The following CNGB1 variants were observed in gnomAD, a reference collection of about 807,000 sequenced individuals.
The protein encoded by CNGB1 is cyclic nucleotide-gated channel beta-1.
CNGB1 carries 126 observed loss-of-function variants against 151.7 expected under a neutral mutation model. That is an observed-to-expected ratio of 0.83 (90% CI 0.72 to 0.96). CNGB1 has a LOEUF of 0.96. Among genes scored for constraint, CNGB1 ranks in the 40% least tolerant of loss-of-function variants. CNGB1 has a pLI of 0.00. For missense variants in CNGB1, 1,698 were observed against 1,627.0 expected, an observed-to-expected ratio of 1.04 and a Z score of -0.75; for synonymous variants, 623 against 635.1, an observed-to-expected ratio of 0.98 and a Z score of 0.29.
At chr16:57,921,105 G>T (rs913702318) in intron 18 of CNGB1, among the ~76,000 whole-genome samples, 2 of 150,848 alleles carry the variant, frequency 1.3e-5, no homozygotes, top group African/African-American at 4.9e-5. Flanking sequence ...TCATCTTGCT[G>T]AGCTGAATAT....
intron 17 of CNGB1, 94 bp from the exon 18 acceptor site, chr16:57,923,474 C>T: frequency 9.9e-7 from 1 of 1,014,098 alleles, no homozygotes; most frequent in Non-Finnish European, 1.5e-6. Flanking sequence ...CATCTAGAGC[C>T]AATTCCTAGA....
At position 57,920,482 on chromosome 16, in the gene CNGB1, T is replaced by C. The variant is rs767806839; in HGVS notation, c.1706A>G (p.Gln569Arg). Residue 569 changes from glutamine to arginine, a missense_variant, in exon 19 of 33, where the codon CAG (glutamine) becomes CGG (arginine). Coordinates refer to ENST00000251102, the MANE Select transcript of CNGB1 (RefSeq NM_001297.5). Reference sequence around the variant, plus strand: ...CTCCTTGAAGAGCTTCACCAGCTCCTGGAGCCGGTCGTTGATGATGGCGCT... The same window carrying C: ...CTCCTTGAAGAGCTTCACCAGCTCCCGGAGCCGGTCGTTGATGATGGCGCT... ...TNSAIINDRL[Q>R]ELVKLFKERT... The C allele has an allele frequency of 1.9e-6, 3 of 1,614,090 alleles. No homozygotes were observed. The highest frequency in any genetic ancestry group is 1.3e-5 in the African/African-American group (1 of 74,954).
At chr16:57,919,547 A>G (rs1384610902) in intron 19 of CNGB1, among the ~76,000 whole-genome samples, 1 of 152,062 alleles carries the variant, frequency 6.6e-6, no homozygotes, top group Non-Finnish European at 1.5e-5. Flanking sequence ...GGCCAGTTGG[A>G]TGTTTCAATG....
intron 2 of CNGB1, among the ~76,000 whole-genome samples, chr16:57,966,300 G>A (rs1430651526): frequency 6.6e-6 from 1 of 152,238 alleles, no homozygotes; most frequent in Admixed American, 6.5e-5. Context: ...CTTGTCTGCT[G>A]AGTCCCCGGG....
At chr16:57,906,313 G>A (rs187368972) in intron 25 of CNGB1, among the ~76,000 whole-genome samples, 3 of 152,348 alleles carry the variant, frequency 2.0e-5, no homozygotes, top group Non-Finnish European at 2.9e-5. Flanking sequence ...AAGAAGCCTG[G>A]CACGTGGTGG....
At position 57,925,146 on chromosome 16, in the gene CNGB1, G is replaced by T. The variant is rs548038931; in HGVS notation, c.1536-1766C>A. 7.6e-4 allele frequency among the ~76,000 whole-genome samples: 115 copies of T among 152,060 alleles called. 3 individuals are homozygous for T. In the South Asian group the frequency reaches 0.023, roughly 31 times the overall value. On this transcript the variant is annotated intron_variant, in intron 17 of 32. Transcript: ENST00000251102. ...GCCTCCCAAGTAGCTGGGATTATAG[G>T]TGTACACCACCACACCAGCTAATTT...
chr16:57,899,331 AAT>A (rs1960321440), intron 29 of CNGB1, among the ~76,000 whole-genome samples: 1 of 144,758 alleles, frequency 6.9e-6, no homozygotes, highest in Admixed American at 6.7e-5. Flanking sequence ...AGAAAAAAAA[AAT>A]AATAATAATA....
chr16:57,936,597 A>G (rs573625391), intron 16 of CNGB1, among the ~76,000 whole-genome samples: 3 of 152,192 alleles, frequency 2.0e-5, no homozygotes, highest in Non-Finnish European at 4.4e-5. Context: ...GTTTGAGACC[A>G]GCCTGGCCAA....
At chr16:57,911,917 G>C (rs1466837970) in intron 24 of CNGB1, 42 bp from the exon 25 acceptor site, 1 of 1,609,440 alleles carries the variant, frequency 6.2e-7, no homozygotes, top group East Asian at 2.2e-5. Context: ...GGCGGAAGGG[G>C]GAGGTGAGGT....
At position 57,883,124 on chromosome 16, in the gene CNGB1, T is replaced by A. The variant is rs1177221712; in HGVS notation, c.*1040A>T. 6.6e-6 allele frequency: 1 copy of A among 152,106 alleles called. No individual in the cohort carries two copies. Among genetic ancestry groups the A allele is most frequent in the Non-Finnish European group, 1.5e-5 (1 of 68,036 alleles). 9.4% of individuals were successfully genotyped at this position (152,106 alleles called of 1,614,324 possible). A position where few individuals can be genotyped will look rare whatever the true frequency, so the allele number is the denominator to read the frequency against. ...GGCATTGCATTGGAATTGAATAGAG[T>A]CTGGGGAAGATAAGCACTAACTACC... On this transcript the variant is annotated 3_prime_UTR_variant, in exon 33 of 33. Transcript: ENST00000251102.
intron 16 of CNGB1, among the ~76,000 whole-genome samples, chr16:57,939,135 C>A (rs887826674): frequency 2.0e-5 from 3 of 151,982 alleles, no homozygotes; most frequent in Admixed American, 6.6e-5. Flanking sequence ...GAGGGGCTGG[C>A]AGGGAGAGGC....
rs369211344 is a variant in CNGB1, at chr16:57,958,358, A to G, written c.837+52T>C. 1.0e-5 allele frequency: 16 copies of G among 1,560,796 alleles called. No homozygotes were observed. The African/African-American group carries it at 1.8e-4, about 17-fold the overall frequency. ...CATCCTCCTCCTTACCCAAGTTCCC[A>G]AGACCCCTCCCACCACCACCAGGGC... On this transcript the variant is annotated intron_variant, in intron 11 of 32. Transcript: ENST00000251102.
At chr16:57,949,490 G>A (rs569044610) in intron 13 of CNGB1, 51 bp from the exon 14 acceptor site, 9 of 1,611,038 alleles carry the variant, frequency 5.6e-6, no homozygotes, top group African/African-American at 2.7e-5. Flanking sequence ...CTGCCCCGCT[G>A]AGTCTACCTC....
chr16:57,923,217 C>A (rs1318498757), intron 18 of CNGB1, 56 bp downstream of exon 18: 4 of 1,286,998 alleles, frequency 3.1e-6, no homozygotes, highest in East Asian at 2.5e-5. Flanking sequence ...AGCCCCCCCA[C>A]ATCCCCCACC....
intron 31 of CNGB1, among the ~76,000 whole-genome samples, chr16:57,895,637 G>C (rs546844857): frequency 5.3e-5 from 8 of 151,576 alleles, no homozygotes; most frequent in Non-Finnish European, 1.2e-4. Context: ...AGGCCTAGTA[G>C]CACTCCAGTA....
intron 12 of CNGB1, chr16:57,955,510 T>G (rs1424838381): frequency 2.8e-6 from 2 of 723,382 alleles, no homozygotes; most frequent in Middle Eastern, 3.7e-4. Context: ...CCCCATGACA[T>G]GGGACGTGAG....
chr16:57,956,331 A>G (rs16959596), intron 12 of CNGB1, among the ~76,000 whole-genome samples: 2,594 of 152,198 alleles, frequency 0.017, 77 homozygotes, highest in African/African-American at 0.06. Flanking sequence ...ACGAGCTTCC[A>G]TGAGAGACTG....
chr16:57,922,586 G>A (rs1961070535), intron 18 of CNGB1, among the ~76,000 whole-genome samples: 1 of 151,928 alleles, frequency 6.6e-6, no homozygotes, highest in Non-Finnish European at 1.5e-5. Flanking sequence ...GTGCCACCAC[G>A]CCCGGCTAAT....
At chr16:57,906,516 G>C (rs1383696661) in intron 25 of CNGB1, among the ~76,000 whole-genome samples, 4 of 152,174 alleles carry the variant, frequency 2.6e-5, no homozygotes, top group Non-Finnish European at 5.9e-5. Flanking sequence ...TGATAGCTGC[G>C]GGGCCTTGGG....
Sources: allele counts gnomAD v4.1 joint callset (sites outside exome capture counted in the v4.1 genomes callset), GRCh38; gene constraint gnomAD v4.1.1; transcripts MANE v1.5; gene names NCBI Gene and HGNC (gene_info 2026-07-23, HGNC 2026-07-21).